Variants in NRXN3 observed in about 807,000 individuals in gnomAD.
The protein encoded by NRXN3 is neurexin III.
A neutral mutation model predicts 137.6 loss-of-function variants in NRXN3; 32 were observed. The observed-to-expected ratio is 0.23, with a 90% CI of 0.18 to 0.31. NRXN3 has a LOEUF of 0.31. Ranked by LOEUF, NRXN3 falls within the 10% of genes least tolerant of loss-of-function variation. The pLI is 1.00. For synonymous variants in NRXN3, 798 were observed against 784.5 expected, an observed-to-expected ratio of 1.02 and a Z score of -0.29; for missense variants, 1,574 against 2,062.5, an observed-to-expected ratio of 0.76 and a Z score of 4.59.
At chr14:79,086,651 G>C (rs887270947) in intron 15 of NRXN3, among the ~76,000 whole-genome samples, 1 of 152,128 alleles carries the variant, frequency 6.6e-6, no homozygotes, top group Non-Finnish European at 1.5e-5. Context: ...GAAAGGATAC[G>C]TCGAAGGCTT....
At chr14:78,548,845 C>T (rs1189717842) in intron 4 of NRXN3, among the ~76,000 whole-genome samples, 5 of 152,176 alleles carry the variant, frequency 3.3e-5, no homozygotes, top group Admixed American at 2.6e-4. Flanking sequence ...TCTCCCAAAC[C>T]ACAGGGGCTC....
At chr14:79,551,479 TACTCTGTTGTCATTTCTCTG>T (rs1388859813) in intron 16 of NRXN3, among the ~76,000 whole-genome samples, 11 of 152,234 alleles carry the variant, frequency 7.2e-5, no homozygotes, top group Non-Finnish European at 1.2e-4. Context: ...TGACTATGAT[TACTCTGTTGTCATTTCTCTG>T]AATTTCTGGT....
chr14:79,527,919 A>C (rs1567393715), intron 16 of NRXN3, among the ~76,000 whole-genome samples: 1 of 151,180 alleles, frequency 6.6e-6, no homozygotes, highest in Admixed American at 6.6e-5. Context: ...CAGTAGTAGC[A>C]GGAGTAGTAG....
intron 19 of NRXN3, among the ~76,000 whole-genome samples, chr14:79,788,545 T>C (rs1056110373): frequency 2.0e-5 from 3 of 152,176 alleles, no homozygotes; most frequent in Admixed American, 1.3e-4. Flanking sequence ...TAGCATGAAG[T>C]AGATGTCACT....
intron 10 of NRXN3, among the ~76,000 whole-genome samples, chr14:78,887,241 A>G (rs891392514): frequency 4.6e-5 from 7 of 152,124 alleles, no homozygotes; most frequent in African/African-American, 9.7e-5. Context: ...TAACTTGTCT[A>G]AGGTCAGACA....
intron 15 of NRXN3, among the ~76,000 whole-genome samples, chr14:79,035,064 C>T (rs374675174): frequency 1.1e-4 from 16 of 152,186 alleles, no homozygotes; most frequent in Admixed American, 2.0e-4. Context: ...ACTAACAAAT[C>T]CTGATATCAA....
intron 16 of NRXN3, among the ~76,000 whole-genome samples, chr14:79,628,177 A>G (rs2098302511): frequency 6.6e-6 from 1 of 152,136 alleles, no homozygotes; most frequent in South Asian, 2.1e-4. Context: ...AAAGCAATCA[A>G]AGGTCTCATG....
intron 16 of NRXN3, among the ~76,000 whole-genome samples, chr14:79,616,156 G>T (rs74888120): frequency 6.6e-6 from 1 of 152,136 alleles, no homozygotes; most frequent in Non-Finnish European, 1.5e-5. Flanking sequence ...AAATATTGTT[G>T]TGGAAACAGA....
intron 4 of NRXN3, among the ~76,000 whole-genome samples, chr14:78,574,069 C>T (rs1210894718): frequency 6.6e-6 from 1 of 152,194 alleles, no homozygotes; most frequent in Non-Finnish European, 1.5e-5. Context: ...AGGGTACAAG[C>T]CCCAAGCCTT....
intron 16 of NRXN3, among the ~76,000 whole-genome samples, chr14:79,623,546 T>C (rs2098247445): frequency 6.6e-6 from 1 of 152,198 alleles, no homozygotes; most frequent in South Asian, 2.1e-4. Flanking sequence ...TGGGATGGTA[T>C]TCTGGACCTA....
At chr14:78,245,230 T>A (rs2153455147) in intron 2 of NRXN3, among the ~76,000 whole-genome samples, 1 of 152,310 alleles carries the variant, frequency 6.6e-6, no homozygotes, top group South Asian at 2.1e-4. Context: ...GGCAGAACAG[T>A]GGTTCTCAAT....
intron 19 of NRXN3, among the ~76,000 whole-genome samples, chr14:79,719,402 G>GTATATATATGTGTGTGTTA (rs5741998): frequency 7.0e-6 from 1 of 142,280 alleles, no homozygotes; most frequent in Admixed American, 7.0e-5. Flanking sequence ...ATATATGTGT[G>GTATATATATGTGTGTGTTA]TATATATATA....
intron 4 of NRXN3, among the ~76,000 whole-genome samples, chr14:78,636,836 A>ATTTTTAT (rs78940484): frequency 0.05 from 7,666 of 151,866 alleles, 256 homozygotes; most frequent in Middle Eastern, 0.15. Context: ...TTTATTTTTT[A>ATTTTTAT]TTTTTTTAGC....
At chr14:79,764,745 A>AG (rs1405693115) in intron 19 of NRXN3, among the ~76,000 whole-genome samples, 1 of 152,154 alleles carries the variant, frequency 6.6e-6, no homozygotes, top group East Asian at 1.9e-4. Flanking sequence ...GCTGCTCTGG[A>AG]GGAAAGTAAT....
chr14:79,716,848 C>T (rs1247641627), intron 19 of NRXN3, among the ~76,000 whole-genome samples: 4 of 152,212 alleles, frequency 2.6e-5, no homozygotes, highest in East Asian at 1.9e-4. Flanking sequence ...TAAATTCATT[C>T]GTTATCATTG....
intron 15 of NRXN3, among the ~76,000 whole-genome samples, chr14:79,453,244 A>G (rs201412349): frequency 1.3e-5 from 2 of 152,186 alleles, no homozygotes; most frequent in East Asian, 1.9e-4. Flanking sequence ...CCTGGCCAAC[A>G]TGCTGAAACA....
intron 10 of NRXN3, among the ~76,000 whole-genome samples, chr14:78,870,591 T>C (rs2099098871): frequency 6.6e-6 from 1 of 152,140 alleles, no homozygotes; most frequent in African/African-American, 2.4e-5. Flanking sequence ...TTAACTGTTA[T>C]TACCCTGTAG....
chr14:79,386,739 G>A (rs1424707799), intron 15 of NRXN3, among the ~76,000 whole-genome samples: 3 of 150,814 alleles, frequency 2.0e-5, no homozygotes. Flanking sequence ...GCATGGTACT[G>A]GTACCAAAAC....
chr14:79,331,446 T>C (rs2218787), intron 15 of NRXN3, among the ~76,000 whole-genome samples: 145,865 of 152,286 alleles, frequency 0.96, 69,912 homozygotes, highest in East Asian at 1. Context: ...GCCCTGACTG[T>C]TATTAGACAG....
Sources: allele counts gnomAD v4.1 joint callset (sites outside exome capture counted in the v4.1 genomes callset), GRCh38; gene constraint gnomAD v4.1.1; transcripts MANE v1.5; gene names NCBI Gene and HGNC (gene_info 2026-07-23, HGNC 2026-07-21).